PIR: variants seen among roughly 807,000 people sequenced by gnomAD.
PIR encodes the protein pirin (iron-binding nuclear protein).
A neutral mutation model predicts 24.2 loss-of-function variants in PIR; 22 were observed. The observed-to-expected ratio is 0.91, with a 90% confidence interval of 0.65 to 1.30. PIR has a LOEUF of 1.30. Ranked by LOEUF, PIR falls within the 50% of genes most tolerant of loss-of-function variation. The pLI is 0.00. For synonymous variants in PIR, 80 were observed against 79.6 expected, an observed-to-expected ratio of 1.00 and a Z score of -0.03; for missense variants, 220 against 220.3, an observed-to-expected ratio of 1.00 and a Z score of 0.01.
chrX:15,434,420 G>A (rs1279153002), intron 5 of PIR, among the ~76,000 whole-genome samples: 1 of 107,684 alleles, frequency 9.3e-6, no homozygotes, highest in Non-Finnish European at 1.9e-5. Flanking sequence ...AAAAGGAGGA[G>A]GAAGGAGGAG....
intron 6 of PIR, 109 bp from the exon 7 acceptor site, chrX:15,407,659 T>A (rs1302669687): frequency 1.2e-5 from 7 of 579,383 alleles, no homozygotes; most frequent in South Asian, 5.2e-5. Flanking sequence ...AATCCTTTTT[T>A]TCCCTTTAGA....
chrX:15,425,249 CAG>C (rs987124524), intron 6 of PIR, among the ~76,000 whole-genome samples: 7 of 109,678 alleles, frequency 6.4e-5, no homozygotes, highest in Non-Finnish European at 1.3e-4. Flanking sequence ...AGTCAGGAGA[CAG>C]GGGTGTTTTC....
At position 15,448,911 on chromosome X, in the gene PIR, C is replaced by T. The variant is rs148391249; in HGVS notation, c.480+6937G>A. ...ATACTTCTGCTGTTTGCCGGTTTCT[C>T]TCCCAAGCTAGACTGTGAGCATTTT... On this transcript the variant is annotated intron_variant, in intron 5 of 9. Coordinates refer to ENST00000380420, the MANE Select transcript of PIR (RefSeq NM_001018109.3). Among the ~76,000 whole-genome samples, 612 of 112,353 alleles carry T rather than the reference C, an allele frequency of 5.4e-3. 6 individuals are homozygous for T. The highest frequency in any genetic ancestry group is 0.019 in the African/African-American group (590 of 30,923).
chrX:15,412,551 C>T (rs1345489129), intron 6 of PIR, among the ~76,000 whole-genome samples: 1 of 111,684 alleles, frequency 9.0e-6, no homozygotes, highest in Admixed American at 9.5e-5. Context: ...TGGTTGCTGC[C>T]AATCCATTTT....
intron 5 of PIR, among the ~76,000 whole-genome samples, chrX:15,433,303 A>T (rs1368184851): frequency 2.7e-5 from 3 of 110,549 alleles, no homozygotes; most frequent in Non-Finnish European, 3.8e-5. Flanking sequence ...TGTCACCTGG[A>T]GAAAGGAAAC....
intron 6 of PIR, among the ~76,000 whole-genome samples, chrX:15,414,246 T>C (rs1006433111): frequency 1.5e-4 from 17 of 112,306 alleles, no homozygotes; most frequent in Admixed American, 1.3e-3. Context: ...CGACACATAA[T>C]AATTGTATCC....
intron 6 of PIR, among the ~76,000 whole-genome samples, chrX:15,409,095 C>CTTTTTT (rs11308485): frequency 1.7e-5 from 1 of 60,431 alleles, no homozygotes; most frequent in Non-Finnish European, 3.1e-5. Flanking sequence ...GTTTTTCTCC[C>CTTTTTT]TTTTTTTTTT....
At chrX:15,419,364 T>TGC (rs1179341802) in intron 6 of PIR, among the ~76,000 whole-genome samples, 1 of 106,797 alleles carries the variant, frequency 9.4e-6, no homozygotes, top group African/African-American at 3.5e-5. Context: ...TGTGTGTGTG[T>TGC]GTGTGTGTGT....
intron 2 of PIR, among the ~76,000 whole-genome samples, chrX:15,483,601 T>G (rs1922630540): frequency 8.9e-6 from 1 of 112,358 alleles, no homozygotes; most frequent in Non-Finnish European, 1.9e-5. Flanking sequence ...TTTGTTTCCT[T>G]TCAGTCTTGT....
At chrX:15,477,391 T>C (rs758803107) in intron 3 of PIR, among the ~76,000 whole-genome samples, 3 of 111,991 alleles carry the variant, frequency 2.7e-5, no homozygotes, top group Non-Finnish European at 3.8e-5. Flanking sequence ...TACAGGATTG[T>C]GTTCCTGCAA....
Position 15,491,272 on chromosome X carries a change from A to G in PIR, c.-15T>C. Reference sequence around the variant, plus strand: ...GAGGACCCCATATCGGAGTCTAAAAAGAGAGTGTTCTGATGCTGAGCTGTA... The same window carrying G: ...GAGGACCCCATATCGGAGTCTAAAAGGAGAGTGTTCTGATGCTGAGCTGTA... On this transcript the variant is annotated 5_prime_UTR_variant, in exon 2 of 10. Coordinates refer to ENST00000380420, the MANE Select transcript of PIR (RefSeq NM_001018109.3). 4 of 1,112,845 alleles carry G rather than the reference A, an allele frequency of 3.6e-6. No individual in the cohort carries two copies. The highest frequency in any genetic ancestry group is 1.2e-6 in the Non-Finnish European group (1 of 809,346). 91.7% of individuals were successfully genotyped at this position (1,112,845 alleles called of 1,213,427 possible). A position where few individuals can be genotyped will look rare whatever the true frequency, so the allele number is the denominator to read the frequency against.
chrX:15,420,788 A>G (rs1477381824), intron 6 of PIR, among the ~76,000 whole-genome samples: 1 of 110,934 alleles, frequency 9.0e-6, no homozygotes, highest in Non-Finnish European at 1.9e-5. Flanking sequence ...AGTGAGCTAT[A>G]ATTGTGCCAC....
At chrX:15,398,667 A>AGG (rs1555952774) in intron 7 of PIR, among the ~76,000 whole-genome samples, 13 of 71,719 alleles carry the variant, frequency 1.8e-4, no homozygotes, top group East Asian at 1.0e-3. Flanking sequence ...TTGAGGAGGG[A>AGG]GGGTGTGTGT....
chrX:15,424,808 G>GCA (rs1249109101), intron 6 of PIR, among the ~76,000 whole-genome samples: 1 of 111,554 alleles, frequency 9.0e-6, no homozygotes, highest in African/African-American at 3.3e-5. Flanking sequence ...ACCAGCCTGG[G>GCA]CAACGTGGTG....
At chrX:15,424,581 C>A (rs149142045) in intron 6 of PIR, among the ~76,000 whole-genome samples, 4,846 of 111,958 alleles carry the variant, frequency 0.043, 264 homozygotes, top group African/African-American at 0.15. Flanking sequence ...AAGAAAAGAC[C>A]AATATTTAAG....
intron 7 of PIR, among the ~76,000 whole-genome samples, chrX:15,401,441 C>CATGAAATG (rs1924382247): frequency 9.0e-6 from 1 of 110,643 alleles, no homozygotes; most frequent in African/African-American, 3.4e-5. Context: ...TGTATTATTA[C>CATGAAATG]ATGAAATGTT....
At chrX:15,469,577 A>G (rs1921772666) in intron 3 of PIR, among the ~76,000 whole-genome samples, 1 of 112,050 alleles carries the variant, frequency 8.9e-6, no homozygotes, top group Non-Finnish European at 1.9e-5. Flanking sequence ...ATGAGGGAGT[A>G]ATTCGTGGAG....
At chrX:15,492,638 A>T (rs768508589) in intron 1 of PIR, among the ~76,000 whole-genome samples, 1 of 111,972 alleles carries the variant, frequency 8.9e-6, no homozygotes, top group South Asian at 3.7e-4. Flanking sequence ...CAGCTGTGTG[A>T]CCTGAGGTTT....
In PIR at chrX:15,444,347, G is replaced by A. The variant is rs965192686; in HGVS notation, c.480+11501C>T. Among the ~76,000 whole-genome samples, 20 of 112,319 alleles carry A rather than the reference G, an allele frequency of 1.8e-4. No individual in the cohort carries two copies. The South Asian group carries it at 7.0e-3, about 39-fold the overall frequency. On this transcript the variant is annotated intron_variant, in intron 5 of 9. Coordinates refer to ENST00000380420, the MANE Select transcript of PIR (RefSeq NM_001018109.3). Reference sequence around the variant, plus strand: ...TTCAACAAAAGTATTTTTAAATTAAGGCATGTACTTTTTTAGATATAATGC... The same window carrying A: ...TTCAACAAAAGTATTTTTAAATTAAAGCATGTACTTTTTTAGATATAATGC...
Sources: allele counts gnomAD v4.1 joint callset (sites outside exome capture counted in the v4.1 genomes callset), GRCh38; gene constraint gnomAD v4.1.1; transcripts MANE v1.5; gene names NCBI Gene and HGNC (gene_info 2026-07-23, HGNC 2026-07-21).